Variants in TBC1D9B observed in about 807,000 individuals in gnomAD.
TBC1D9B encodes TBC1 domain family, member 9B (with GRAM domain).
Under a neutral mutation model 121.1 loss-of-function variants are expected in TBC1D9B, and 87 were observed. That is an observed-to-expected ratio of 0.72 (90% CI 0.60 to 0.86). The LOEUF (loss-of-function observed/expected upper bound fraction) is 0.86, where lower values mean the gene tolerates loss of function less well. Among genes scored for constraint, TBC1D9B ranks in the 40% least tolerant of loss-of-function variants. TBC1D9B has a pLI of 0.00. For missense variants in TBC1D9B, 1,540 were observed against 1,628.6 expected, an observed-to-expected ratio of 0.95 and a Z score of 0.94; for synonymous variants, 668 against 670.1, an observed-to-expected ratio of 1.00 and a Z score of 0.05.
At position 179,869,818 on chromosome 5, in the gene TBC1D9B, C is replaced by T; in HGVS notation, c.2742G>A (p.Gly914=). The T allele has an allele frequency of 1.3e-6, 2 of 1,562,756 alleles. No individual in the cohort carries two copies. ...FVTGMSGMYH[G]DLTEKLKVLY... Reference sequence around the variant, plus strand: ...GCACCTTGAGCTTCTCTGTCAGGTCCCCGTGGTACATCCCGCCTGTGGAGA... The same window carrying T: ...GCACCTTGAGCTTCTCTGTCAGGTCTCCGTGGTACATCCCGCCTGTGGAGA... The change falls in exon 17 of 21, where the codon GGG becomes GGA. Residue 914 remains glycine, a synonymous_variant. Coordinates refer to ENST00000355235, the MANE Select transcript of TBC1D9B (RefSeq NM_015043.4).
intron 14 of TBC1D9B, chr5:179,872,086 C>T (rs1392061834): frequency 4.0e-4 from 5 of 12,610 alleles, no homozygotes; most frequent in African/African-American, 2.1e-3. Context: ...CCAGGATGGG[C>T]GTGGGGGAGC....
rs763676590 is a variant in TBC1D9B at position 179,893,437 on chromosome 5, G to A, written c.608C>T (p.Thr203Met). 3.7e-6 allele frequency: 6 copies of A among 1,611,626 alleles called. No individual in the cohort carries two copies. Among genetic ancestry groups the A allele is most frequent in the Non-Finnish European group, 5.1e-6 (6 of 1,178,232 alleles). The change falls in exon 5 of 21, where the codon ACG becomes ATG. Residue 203 changes from threonine to methionine, a missense_variant. Coordinates refer to ENST00000355235, the MANE Select transcript of TBC1D9B (RefSeq NM_015043.4). ...VSLVVQWVDI[T>M]RLEKNATLLF... ...CAGGGTGGCGTTCTTCTCCAGACGC[G>A]TTATGTCCACCCACTGCACCACGAG...
At chr5:179,900,064 C>T (rs1761125151) in intron 2 of TBC1D9B, among the ~76,000 whole-genome samples, 1 of 152,012 alleles carries the variant, frequency 6.6e-6, no homozygotes, top group South Asian at 2.1e-4. Context: ...ACCAAAAATA[C>T]AAAAAATTAG....
At position 179,907,845 on chromosome 5, in the gene TBC1D9B, G is replaced by A. The variant is rs1208663701; in HGVS notation, c.-24C>T. 4.5e-5 allele frequency: 48 copies of A among 1,070,800 alleles called. No individual in the cohort carries two copies. Among genetic ancestry groups the A allele is most frequent in the Non-Finnish European group, 5.4e-5 (47 of 877,036 alleles). 66.3% of individuals were successfully genotyped at this position (1,070,800 alleles called of 1,614,324 possible). A position where few individuals can be genotyped will look rare whatever the true frequency, so the allele number is the denominator to read the frequency against. On this transcript the variant is annotated 5_prime_UTR_variant, in exon 1 of 21. Transcript: ENST00000355235. This position sits in a 1 kb window ranked among gnomAD's most constrained non-coding sequence, Gnocchi z 5.3. ...ATCGCGGAGCCGCTCGCACCGGGCC[G>A]AGGCCCGCGAGACGGAAGCGCCCGC... is the stretch of plus-strand genomic sequence containing the variant.
chr5:179,897,316 CTT>C (rs71001055), intron 3 of TBC1D9B, among the ~76,000 whole-genome samples: 10 of 141,370 alleles, frequency 7.1e-5, no homozygotes, highest in Non-Finnish European at 6.2e-5. Flanking sequence ...ATTTTCTTTT[CTT>C]TTTTTTTTTT....
rs1760666389 is a variant in TBC1D9B at position 179,885,750 on chromosome 5, C to T, written c.1254+2353G>A. ...CACGTGGCTGCTGTACTAGACGGGG[C>T]ACCTCTAATCCACTGTCAACATGGA... On this transcript the variant is annotated intron_variant, in intron 7 of 20. Coordinates refer to ENST00000355235, the MANE Select transcript of TBC1D9B (RefSeq NM_015043.4). The surrounding 1 kb of genome is among the most constrained non-coding windows in gnomAD (Gnocchi z 4.5). 6.6e-6 allele frequency among the ~76,000 whole-genome samples: 1 copy of T among 152,176 alleles called. No individual in the cohort carries two copies. The highest frequency in any genetic ancestry group is 2.4e-5 in the African/African-American group (1 of 41,422).
At chr5:179,899,845 A>T (rs186400891) in intron 2 of TBC1D9B, among the ~76,000 whole-genome samples, 1 of 152,038 alleles carries the variant, frequency 6.6e-6, no homozygotes, top group Non-Finnish European at 1.5e-5. Flanking sequence ...CCCTCTCTTC[A>T]GTTTCTCCTG....
chr5:179,903,212 A>G (rs1761210532), intron 2 of TBC1D9B, among the ~76,000 whole-genome samples: 1 of 152,132 alleles, frequency 6.6e-6, no homozygotes. Context: ...AGGTTACTCA[A>G]CCCCTCTGGG....
intron 10 of TBC1D9B, 118 bp from the exon 11 acceptor site, chr5:179,876,155 T>C (rs1760355034): frequency 1.4e-6 from 1 of 706,838 alleles, no homozygotes; most frequent in Non-Finnish European, 2.2e-6. Flanking sequence ...CTTCTTTTTG[T>C]TGTTGTTATT....
At position 179,875,111 on chromosome 5, in the gene TBC1D9B, G is replaced by A; in HGVS notation, c.1977C>T (p.Asp659=). 2.5e-6 allele frequency: 4 copies of A among 1,614,062 alleles called. No individual in the cohort carries two copies. The highest frequency in any genetic ancestry group is 3.4e-6 in the Non-Finnish European group (4 of 1,180,034). The part of the protein sequence containing the change: ...FLPQLSEKMQ[D]LGVISSISLS... Reference sequence around the variant, plus strand: ...GCGAGATGCTGGAGATCACCCCCAGGTCCTGCATCTTCTCCGAGAGCTGCG... The same window carrying A: ...GCGAGATGCTGGAGATCACCCCCAGATCCTGCATCTTCTCCGAGAGCTGCG... The change falls in exon 12 of 21, where the codon GAC becomes GAT. Residue 659 remains aspartate (D), a synonymous_variant. Coordinates refer to ENST00000355235, the MANE Select transcript of TBC1D9B (RefSeq NM_015043.4). The surrounding 1 kb of genome is among the most constrained non-coding windows in gnomAD (Gnocchi z 4.5).
Position 179,865,418 on chromosome 5 carries a change from A to ATGTGAGACGGCT in TBC1D9B, c.2915-59_2915-58insAGCCGTCTCACA. 1 of 1,513,104 alleles carries ATGTGAGACGGCT rather than the reference A, an allele frequency of 6.6e-7. No individual in the cohort carries two copies. Among genetic ancestry groups the ATGTGAGACGGCT allele is most frequent in the Non-Finnish European group, 9.2e-7 (1 of 1,089,018 alleles). 93.7% of individuals were successfully genotyped at this position (1,513,104 alleles called of 1,614,324 possible). On this transcript the variant is annotated intron_variant, in intron 19 of 20. Coordinates refer to ENST00000355235, the MANE Select transcript of TBC1D9B (RefSeq NM_015043.4). This position sits in a 1 kb window ranked among gnomAD's most constrained non-coding sequence, Gnocchi z 5.1. ...TCATGTGAGACGGCTGCGGGCTGAC[A>ATGTGAGACGGCT]GCAGGGAGAGGAAGAGTTGGGTGTT...
chr5:179,899,167 G>A, intron 3 of TBC1D9B, 22 bp downstream of exon 3: 1 of 1,582,622 alleles, frequency 6.3e-7, no homozygotes, highest in Non-Finnish European at 8.7e-7. Context: ...GGTGAGAACA[G>A]AGAGTGGCGG....
In TBC1D9B at chr5:179,863,298, C is replaced by CA; in HGVS notation, c.*149dup. Reference sequence around the variant, plus strand: ...AATCTGTCTAAGGCAGCTGGGTCTGCACCAGCCTTCTTTCCACTCACAACT... The same window carrying CA: ...AATCTGTCTAAGGCAGCTGGGTCTGCAACCAGCCTTCTTTCCACTCACAACT... On this transcript the variant is annotated 3_prime_UTR_variant, in exon 21 of 21. Coordinates refer to ENST00000355235, the MANE Select transcript of TBC1D9B (RefSeq NM_015043.4). The surrounding 1 kb of genome is among the most constrained non-coding windows in gnomAD (Gnocchi z 4.5). 2.2e-6 allele frequency: 2 copies of CA among 919,866 alleles called. No individual in the cohort carries two copies. Among genetic ancestry groups the CA allele is most frequent in the Non-Finnish European group, 3.2e-6 (2 of 621,596 alleles). 57.0% of individuals were successfully genotyped at this position (919,866 alleles called of 1,614,324 possible). A position where few individuals can be genotyped will look rare whatever the true frequency, so the allele number is the denominator to read the frequency against.
At chr5:179,889,871 C>CAAA (rs397883158) in intron 6 of TBC1D9B, among the ~76,000 whole-genome samples, 33 of 48,920 alleles carry the variant, frequency 6.7e-4, no homozygotes, top group African/African-American at 2.1e-3. Context: ...GACCCTGTCT[C>CAAA]AAAAAAAAAA....
At position 179,890,011 on chromosome 5, in the gene TBC1D9B, T is replaced by C. The variant is rs903826037; in HGVS notation, c.1044+1368A>G. Among the ~76,000 whole-genome samples the C allele has an allele frequency of 6.6e-6, 1 of 151,548 alleles. No individual in the cohort carries two copies. Among genetic ancestry groups the C allele is most frequent in the Non-Finnish European group, 1.5e-5 (1 of 67,916 alleles). On this transcript the variant is annotated intron_variant, in intron 6 of 20. Transcript: ENST00000355235. The surrounding 1 kb of genome is among the most constrained non-coding windows in gnomAD (Gnocchi z 5.0). ...TGCGGGGTGAGCTGGCAAGACATGC[T>C]GTAGGGAGGAGGGAGAGGTCGGAAT...
chr5:179,869,958 T>C, intron 16 of TBC1D9B, 124 bp from the exon 17 acceptor site: 1 of 1,031,794 alleles, frequency 9.7e-7, no homozygotes, highest in East Asian at 2.6e-5. Context: ...GGTCACAGGG[T>C]GAGTCCCAGA....
At position 179,902,516 on chromosome 5, in the gene TBC1D9B, T is replaced by G. The variant is rs563812410; in HGVS notation, c.229+2186A>C. 2.4e-4 allele frequency among the ~76,000 whole-genome samples: 37 copies of G among 152,184 alleles called. No individual in the cohort carries two copies. In the South Asian group the frequency reaches 6.6e-3, roughly 27 times the overall value. On this transcript the variant is annotated intron_variant, in intron 2 of 20. Coordinates refer to ENST00000355235, the MANE Select transcript of TBC1D9B (RefSeq NM_015043.4). This position sits in a 1 kb window ranked among gnomAD's most constrained non-coding sequence, Gnocchi z 4.9. ...GCACAGCCAGGGCCAGTGCAGGGCT[T>G]TGGGCCTGGCAGGAGGGGAGAGGTC...
Position 179,873,213 on chromosome 5 carries a change from G to A in TBC1D9B, c.2222C>T (p.Ser741Phe), listed in dbSNP as rs1235095561. The A allele has an allele frequency of 6.2e-7, 1 of 1,612,782 alleles. No homozygotes were observed. The highest frequency in any genetic ancestry group is 1.3e-5 in the African/African-American group (1 of 74,938). The change falls in exon 13 of 21, where the codon TCT (serine) becomes TTT (phenylalanine). Residue 741 changes from serine to phenylalanine, a missense_variant. By Grantham distance (155) the Ser-to-Phe change is radical. Coordinates refer to ENST00000355235, the MANE Select transcript of TBC1D9B (RefSeq NM_015043.4). ...GGCACGGAGGTGCGGGATAGGAGGA[G>A]AGACACTCTGCTTGTTGACCACATT... ...LDNVVNKQSV[S>F]PPIPHLRALL... is the part of the protein sequence containing the mutation.
At chr5:179,886,523 C>A (rs148964143) in intron 7 of TBC1D9B, among the ~76,000 whole-genome samples, 1 of 152,192 alleles carries the variant, frequency 6.6e-6, no homozygotes, top group South Asian at 2.1e-4. Flanking sequence ...CAACCTTCTC[C>A]ACACCTTTCT....
Sources: gnomAD v4.1 joint callset for allele counts (sites outside exome capture counted in the v4.1 genomes callset) on GRCh38, gnomAD v4.1.1 for gene constraint, Gnocchi (gnomAD v3.1) non-coding constraint, MANE v1.5 for transcripts, NCBI Gene and HGNC (gene_info 2026-07-23, HGNC 2026-07-21) for gene names.